Variants in PARD6G observed in about 807,000 individuals in gnomAD.
The protein encoded by PARD6G is par-6 family cell polarity regulator gamma.
PARD6G carries 7 observed loss-of-function variants against 10.7 expected under a neutral mutation model. That is an observed-to-expected ratio of 0.66 (90% CI 0.37 to 1.23). The LOEUF (loss-of-function observed/expected upper bound fraction) is 1.23, where lower values mean the gene tolerates loss of function less well. Ranked by LOEUF, PARD6G falls within the 50% of genes most tolerant of loss-of-function variation. The probability of loss-of-function intolerance (pLI) is 0.02; values close to 1 mark genes in which losing one functional copy is unlikely to be tolerated. For synonymous variants in PARD6G, 287 were observed against 269.4 expected (o/e 1.07, Z -0.64); for missense variants, 548 against 571.8 (o/e 0.96, Z 0.42).
At chr18:80,196,734 T>C (rs1247858272) in intron 2 of PARD6G, among the ~76,000 whole-genome samples, 1 of 152,068 alleles carries the variant, frequency 6.6e-6, no homozygotes, top group East Asian at 1.9e-4. Context: ...CCCTGGATTC[T>C]TCTGGAGGGG....
intron 1 of PARD6G, among the ~76,000 whole-genome samples, chr18:80,243,660 A>G (rs919245587): frequency 6.6e-6 from 1 of 152,200 alleles, no homozygotes; most frequent in African/African-American, 2.4e-5. Context: ...CAGCATCATG[A>G]CAAGTGCCAA....
chr18:80,187,018 GA>G (rs2052883457), intron 2 of PARD6G, among the ~76,000 whole-genome samples: 1 of 151,900 alleles, frequency 6.6e-6, no homozygotes, highest in Non-Finnish European at 1.5e-5. Flanking sequence ...AGAATGGCGT[GA>G]ACCCGGGAGG....
chr18:80,217,333 G>C (rs752938346), intron 1 of PARD6G, among the ~76,000 whole-genome samples: 1 of 152,128 alleles, frequency 6.6e-6, no homozygotes, highest in Non-Finnish European at 1.5e-5. Context: ...TTACCAAATA[G>C]ATACACCACC....
At chr18:80,178,142 G>A (rs373482300) in intron 2 of PARD6G, 4 of 167,138 alleles carry the variant, frequency 2.4e-5, no homozygotes, top group African/African-American at 7.2e-5. Context: ...GGGGAGACCT[G>A]GATTGCATCC....
chr18:80,240,851 C>T (rs1050129249), intron 1 of PARD6G, among the ~76,000 whole-genome samples: 3 of 152,156 alleles, frequency 2.0e-5, no homozygotes, highest in African/African-American at 7.2e-5. Flanking sequence ...TTCCACCTCA[C>T]CCAAATCTGC....
At chr18:80,244,068 T>C (rs1967517305) in intron 1 of PARD6G, among the ~76,000 whole-genome samples, 1 of 152,148 alleles carries the variant, frequency 6.6e-6, no homozygotes, top group South Asian at 2.1e-4. Context: ...TCTCCTCATA[T>C]GAAAATTCAT....
intron 2 of PARD6G, chr18:80,169,389 C>T (rs1435388398): frequency 6.6e-6 from 1 of 152,298 alleles, no homozygotes; most frequent in Admixed American, 6.5e-5. Flanking sequence ...TGCTTTGCCT[C>T]CCTTGGCAGC....
intron 2 of PARD6G, among the ~76,000 whole-genome samples, chr18:80,163,904 A>C (rs544040830): frequency 7.2e-5 from 11 of 152,350 alleles, no homozygotes; most frequent in African/African-American, 2.6e-4. Context: ...GAGAAGTCGC[A>C]CTAGCTGGGG....
At chr18:80,171,672 T>C (rs1417277872) in intron 2 of PARD6G, 1 of 152,238 alleles carries the variant, frequency 6.6e-6, no homozygotes, top group Non-Finnish European at 1.5e-5. Context: ...ATTAATCTAC[T>C]TTCTGTCTCT....
At chr18:80,239,774 C>G (rs975171929) in intron 1 of PARD6G, among the ~76,000 whole-genome samples, 2 of 152,242 alleles carry the variant, frequency 1.3e-5, no homozygotes, top group African/African-American at 2.4e-5. Flanking sequence ...ATACAGAGGG[C>G]AAGGCCACTG....
At chr18:80,219,607 T>C (rs1443069459) in intron 1 of PARD6G, among the ~76,000 whole-genome samples, 11 of 152,204 alleles carry the variant, frequency 7.2e-5, no homozygotes, top group Non-Finnish European at 2.9e-5. Context: ...TTCCACCAGA[T>C]ACCACCCTAA....
intron 1 of PARD6G, among the ~76,000 whole-genome samples, chr18:80,226,218 T>C (rs1278751526): frequency 7.5e-6 from 1 of 133,268 alleles, no homozygotes. Context: ...TTGCGCAGGC[T>C]GGAGTGCAAT....
rs941245134 is a variant in PARD6G at position 80,189,389 on chromosome 18, C to T, written c.295+13321G>A. On this transcript the variant is annotated intron_variant, in intron 2 of 2. Coordinates refer to ENST00000353265, the MANE Select transcript of PARD6G (RefSeq NM_032510.4). This position sits in a 1 kb window ranked among gnomAD's most constrained non-coding sequence, Gnocchi z 5.5. ...ACCAAGGGCCACTGCGCCACCGCAGCTGTGGGACCGTATCTCTGGATGATA... is the reference window on the plus strand; with the variant it reads ...ACCAAGGGCCACTGCGCCACCGCAGTTGTGGGACCGTATCTCTGGATGATA... 1 of 152,318 alleles carries T rather than the reference C, an allele frequency of 6.6e-6. No homozygotes were observed. Among genetic ancestry groups the T allele is most frequent in the Non-Finnish European group, 1.5e-5 (1 of 68,090 alleles). The allele number at this position is 152,318 out of a possible 1,614,324, so 9.4% of individuals were successfully genotyped here.
chr18:80,244,198 C>A (rs1034265842), intron 1 of PARD6G, among the ~76,000 whole-genome samples: 5 of 152,130 alleles, frequency 3.3e-5, no homozygotes, highest in Non-Finnish European at 5.9e-5. Context: ...CTCTGCGTAG[C>A]TCCTCCCTCC....
At position 80,183,138 on chromosome 18, in the gene PARD6G, A is replaced by G; in HGVS notation, c.295+19572T>C. The G allele has an allele frequency of 1.4e-6, 1 of 702,974 alleles. No homozygotes were observed. Among genetic ancestry groups the G allele is most frequent in the Non-Finnish European group, 2.6e-6 (1 of 384,988 alleles). The allele number at this position is 702,974 out of a possible 1,614,324, so 43.5% of individuals were successfully genotyped here. A position where few individuals can be genotyped will look rare whatever the true frequency, so the allele number is the denominator to read the frequency against. On this transcript the variant is annotated intron_variant, in intron 2 of 2. Transcript: ENST00000353265. This position sits in a 1 kb window ranked among gnomAD's most constrained non-coding sequence, Gnocchi z 4.5. ...GCTGAAGAGTCAGGTTCCTGGTCGC[A>G]GGGCTCCGTCATCTGCAGGAAAATT...
In PARD6G at chr18:80,231,675, C is replaced by T. The variant is rs1304544564; in HGVS notation, c.72+15602G>A. Among the ~76,000 whole-genome samples, 1 of 152,076 alleles carries T rather than the reference C, an allele frequency of 6.6e-6. No homozygotes were observed. Among genetic ancestry groups the T allele is most frequent in the Non-Finnish European group, 1.5e-5 (1 of 68,004 alleles). On this transcript the variant is annotated intron_variant, in intron 1 of 2. Coordinates refer to ENST00000353265, the MANE Select transcript of PARD6G (RefSeq NM_032510.4). This position sits in a 1 kb window ranked among gnomAD's most constrained non-coding sequence, Gnocchi z 4.2. Reference sequence around the variant, plus strand: ...GGTTGTGGTGAGACTCTAATATGAACACATGTCCTGTGTTCAATATAGGCC... The same window carrying T: ...GGTTGTGGTGAGACTCTAATATGAATACATGTCCTGTGTTCAATATAGGCC...
rs1967550321 is a variant in PARD6G, at chr18:80,246,569, G to T, written c.72+708C>A. 6.9e-6 allele frequency among the ~76,000 whole-genome samples: 1 copy of T among 145,922 alleles called. No individual in the cohort carries two copies. Among genetic ancestry groups the T allele is most frequent in the South Asian group, 2.2e-4 (1 of 4,588 alleles). On this transcript the variant is annotated intron_variant, in intron 1 of 2. Transcript: ENST00000353265. This position sits in a 1 kb window ranked among gnomAD's most constrained non-coding sequence, Gnocchi z 6.7. ...AGCCGGGGGCGCGCCCGGGGGAGTG[G>T]GCTGGGTCTGGGGCGGGGGCGCGTC...
At chr18:80,224,587 C>T (rs530251398) in intron 1 of PARD6G, among the ~76,000 whole-genome samples, 7 of 152,208 alleles carry the variant, frequency 4.6e-5, no homozygotes, top group Non-Finnish European at 1.0e-4. Context: ...GTGGCTCACG[C>T]CTGTAATCCC....
chr18:80,198,625 C>A (rs1458409586), intron 2 of PARD6G, among the ~76,000 whole-genome samples: 1 of 152,244 alleles, frequency 6.6e-6, no homozygotes, highest in Non-Finnish European at 1.5e-5. Context: ...CCACCTGGGG[C>A]ACTCACCAGG....
Sources: gnomAD v4.1 joint callset for allele counts (sites outside exome capture counted in the v4.1 genomes callset) on GRCh38, gnomAD v4.1.1 for gene constraint, Gnocchi (gnomAD v3.1) non-coding constraint, MANE v1.5 for transcripts, NCBI Gene and HGNC (gene_info 2026-07-23, HGNC 2026-07-21) for gene names.